The following RIMS1 variants were observed in gnomAD, a reference collection of about 807,000 sequenced individuals.
The protein encoded by RIMS1 is regulating synaptic membrane exocytosis protein 1.
Under a neutral mutation model 214.1 loss-of-function variants are expected in RIMS1, and 83 were observed. That is an observed-to-expected ratio of 0.39 (90% CI 0.32 to 0.47). RIMS1 has a LOEUF of 0.47. RIMS1 is among the 20% of genes least tolerant of loss of function. RIMS1 has a pLI of 0.99. For synonymous variants in RIMS1, 793 were observed against 786.8 expected (o/e 1.01, Z -0.13); for missense variants, 2,050 against 2,161.8 (o/e 0.95, Z 1.03).
At chr6:72,276,229 A>G (rs754093635) in intron 23 of RIMS1, among the ~76,000 whole-genome samples, 8 of 152,188 alleles carry the variant, frequency 5.3e-5, no homozygotes, top group Admixed American at 1.3e-4. Flanking sequence ...GATCCCCAAG[A>G]AAAGAAAAAA....
intron 2 of RIMS1, among the ~76,000 whole-genome samples, chr6:72,096,625 G>T (rs2031816092): frequency 6.6e-6 from 1 of 152,110 alleles, no homozygotes; most frequent in Non-Finnish European, 1.5e-5. Context: ...AAAGTGTTGA[G>T]CTCTCAGTTG....
intron 1 of RIMS1, among the ~76,000 whole-genome samples, chr6:71,928,636 A>T (rs950392838): frequency 6.6e-6 from 1 of 152,096 alleles, no homozygotes; most frequent in Non-Finnish European, 1.5e-5. Context: ...TATCATTTTG[A>T]CTAAAAATTA....
intron 1 of RIMS1, among the ~76,000 whole-genome samples, chr6:71,938,826 T>C (rs1000470929): frequency 6.6e-6 from 1 of 152,244 alleles, no homozygotes; most frequent in African/African-American, 2.4e-5. Flanking sequence ...TATACTTATC[T>C]CTATATCAAA....
At chr6:72,398,592 T>G (rs1241429970) in intron 32 of RIMS1, among the ~76,000 whole-genome samples, 1 of 152,000 alleles carries the variant, frequency 6.6e-6, no homozygotes, top group Non-Finnish European at 1.5e-5. Flanking sequence ...TATGGTCGTT[T>G]CTTAGCTTGT....
intron 29 of RIMS1, among the ~76,000 whole-genome samples, chr6:72,376,807 A>G (rs565632365): frequency 6.6e-6 from 1 of 152,218 alleles, no homozygotes; most frequent in African/African-American, 2.4e-5. Flanking sequence ...TGGGTTTTTA[A>G]TCACAGAAAT....
chr6:72,178,627 T>C lies in RIMS1; in HGVS notation c.472-948T>C, dbSNP rs551317385. Among the ~76,000 whole-genome samples the C allele has an allele frequency of 3.9e-5, 6 of 152,312 alleles. No homozygotes were observed. In the East Asian group the frequency reaches 1.2e-3, roughly 29 times the overall value. On this transcript the variant is annotated intron_variant, in intron 4 of 33. Coordinates refer to ENST00000521978, the MANE Select transcript of RIMS1 (RefSeq NM_014989.7). Reference sequence around the variant, plus strand: ...GAGGCATGTAACTGAGGCAGCGATGTAAAGTCACAGCACAAAGAAACAGAG... The same window carrying C: ...GAGGCATGTAACTGAGGCAGCGATGCAAAGTCACAGCACAAAGAAACAGAG...
At chr6:72,362,316 A>G (rs899587798) in intron 29 of RIMS1, among the ~76,000 whole-genome samples, 15 of 152,170 alleles carry the variant, frequency 9.9e-5, no homozygotes, top group Non-Finnish European at 2.1e-4. Flanking sequence ...AAATTTTAAA[A>G]TGAGTATTAC....
intron 6 of RIMS1, chr6:72,217,304 T>C: frequency 7.2e-7 from 1 of 1,393,702 alleles, no homozygotes; most frequent in Non-Finnish European, 9.8e-7. Context: ...ATTGTTTAAT[T>C]ATCCAAAAGA....
At chr6:72,099,951 G>C in intron 3 of RIMS1, 24 bp from the exon 4 acceptor site, 1 of 1,596,276 alleles carries the variant, frequency 6.3e-7, no homozygotes, top group South Asian at 1.1e-5. Flanking sequence ...TCTCTACTCT[G>C]CTTCCTTGGA....
intron 4 of RIMS1, among the ~76,000 whole-genome samples, chr6:72,178,156 T>A (rs2047963270): frequency 6.6e-6 from 1 of 152,202 alleles, no homozygotes; most frequent in Non-Finnish European, 1.5e-5. Context: ...TCATGAATTT[T>A]AAATTTTTTA....
chr6:72,243,248 T>C (rs1040501037), intron 10 of RIMS1, among the ~76,000 whole-genome samples: 29 of 151,822 alleles, frequency 1.9e-4, no homozygotes, highest in African/African-American at 6.7e-4. Context: ...GTTGAAAAAA[T>C]GCTAACCTTT....
Position 72,229,249 on chromosome 6 carries a change from T to A in RIMS1, c.1679-4524T>A, listed in dbSNP as rs183007897. ...TTTAGGGAGTGAATATTGGCCTGAA[T>A]TTAGAATAAAATTAACAGAAAGTAT... On this transcript the variant is annotated intron_variant, in intron 6 of 33. Transcript: ENST00000521978. Among the ~76,000 whole-genome samples the A allele has an allele frequency of 2.0e-4, 19 of 96,668 alleles. No individual in the cohort carries two copies. The East Asian group carries it at 0.011, about 54-fold the overall frequency. The allele number at this position is 96,668 out of a possible 152,430, so 63.4% of individuals were successfully genotyped here. A position where few individuals can be genotyped will look rare whatever the true frequency, so the allele number is the denominator to read the frequency against.
At chr6:72,355,528 G>A (rs12523983) in intron 29 of RIMS1, among the ~76,000 whole-genome samples, 4,901 of 152,152 alleles carry the variant, frequency 0.032, 122 homozygotes, top group Non-Finnish European at 0.054. Context: ...GGCGAATTGT[G>A]TTATTATTCC....
At chr6:71,901,464 C>T (rs1439476081) in intron 1 of RIMS1, among the ~76,000 whole-genome samples, 2 of 152,040 alleles carry the variant, frequency 1.3e-5, no homozygotes, top group East Asian at 3.9e-4. Context: ...ACATAAACAA[C>T]ATGGATGAAT....
chr6:72,223,631 G>C (rs2059230687), intron 6 of RIMS1, among the ~76,000 whole-genome samples: 1 of 152,072 alleles, frequency 6.6e-6, no homozygotes, highest in African/African-American at 2.4e-5. Flanking sequence ...CATTACAAAT[G>C]CACAACATCT....
intron 19 of RIMS1, chr6:72,263,094 C>T: frequency 1.0e-6 from 1 of 982,244 alleles, no homozygotes; most frequent in Non-Finnish European, 1.2e-6. Flanking sequence ...AATATGAAAA[C>T]TTGTCCTATG....
At chr6:72,208,585 T>A (rs778771034) in intron 6 of RIMS1, among the ~76,000 whole-genome samples, 2 of 152,124 alleles carry the variant, frequency 1.3e-5, no homozygotes, top group Non-Finnish European at 2.9e-5. Flanking sequence ...GAGGCTGAAA[T>A]TGTCAACTTC....
chr6:72,336,785 T>G (rs2096858615), intron 29 of RIMS1, among the ~76,000 whole-genome samples: 1 of 151,832 alleles, frequency 6.6e-6, no homozygotes, highest in Non-Finnish European at 1.5e-5. Flanking sequence ...TTATCACTCC[T>G]CTTTGTTTTA....
At chr6:72,261,845 A>T in intron 19 of RIMS1, 1 of 985,312 alleles carries the variant, frequency 1.0e-6, no homozygotes, top group Non-Finnish European at 1.2e-6. Context: ...ACAGGAAAAA[A>T]TCGAGGAAAT....
Sources: allele counts gnomAD v4.1 joint callset (sites outside exome capture counted in the v4.1 genomes callset), GRCh38; gene constraint gnomAD v4.1.1; transcripts MANE v1.5; gene names NCBI Gene and HGNC (gene_info 2026-07-23, HGNC 2026-07-21).